Variants in DIP2C observed in about 807,000 individuals in gnomAD.
DIP2C encodes the protein DIP2 acetate--CoA ligase C (putative).
Under a neutral mutation model 192.4 loss-of-function variants are expected in DIP2C, and 33 were observed. That is an observed-to-expected ratio of 0.17 (90% CI 0.13 to 0.23). The LOEUF (loss-of-function observed/expected upper bound fraction) is 0.23. DIP2C is among the 10% of genes least tolerant of loss of function. The pLI, the probability that DIP2C is intolerant of heterozygous loss-of-function variation, is 1.00. For synonymous variants in DIP2C, 979 were observed against 864.1 expected, an observed-to-expected ratio of 1.13 and a Z score of -2.33; for missense variants, 1,537 against 2,110.1, an observed-to-expected ratio of 0.73 and a Z score of 5.32.
chr10:334,900 C>T (rs763262598), intron 29 of DIP2C, among the ~76,000 whole-genome samples: 2 of 152,156 alleles, frequency 1.3e-5, no homozygotes, highest in African/African-American at 2.4e-5. Flanking sequence ...TATTTTAAAA[C>T]TGCTTTCACT....
intron 1 of DIP2C, among the ~76,000 whole-genome samples, chr10:620,286 T>A (rs1326997519): frequency 6.6e-6 from 1 of 152,212 alleles, no homozygotes; most frequent in Non-Finnish European, 1.5e-5. Flanking sequence ...GCTACAACTA[T>A]CAATGTGTAA....
Position 620,956 on chromosome 10 carries a change from G to GTTGTTT in DIP2C, c.85+68532_85+68537dup, listed in dbSNP as rs567097483. On this transcript the variant is annotated intron_variant, in intron 1 of 36. Coordinates refer to ENST00000280886, the MANE Select transcript of DIP2C (RefSeq NM_014974.3). ...GGGGTCATGTGGGAAGATTATTCCA[G>GTTGTTT]TTGTTTTTGTTTTTCCCACTGAAGA... Among the ~76,000 whole-genome samples the GTTGTTT allele has an allele frequency of 2.6e-4, 39 of 152,360 alleles. No homozygotes were observed. In the East Asian group the frequency reaches 4.4e-3, roughly 17 times the overall value.
intron 5 of DIP2C, 118 bp from the exon 6 acceptor site, chr10:419,317 A>ATT (rs1966016214): frequency 6.8e-7 from 1 of 1,462,576 alleles, no homozygotes; most frequent in Non-Finnish European, 9.4e-7. Context: ...TGTGCCATGG[A>ATT]AAGCCAGAGC....
rs190398477 is a variant in DIP2C at position 647,762 on chromosome 10, G to A, written c.85+41732C>T. ...ACTGAGTCCACGTCCACATTGGATG[G>A]TGGGAGAGAACAGAGCAAAACTGAG... is the stretch of plus-strand genomic sequence containing the variant. On this transcript the variant is annotated intron_variant, in intron 1 of 36. Transcript: ENST00000280886. Among the ~76,000 whole-genome samples, 461 of 150,872 alleles carry A rather than the reference G, an allele frequency of 3.1e-3. 3 individuals carry two copies. The highest frequency in any genetic ancestry group is 0.011 in the African/African-American group (439 of 40,950).
chr10:556,804 G>A (rs1169306302), intron 1 of DIP2C, among the ~76,000 whole-genome samples: 1 of 152,168 alleles, frequency 6.6e-6, no homozygotes, highest in Admixed American at 6.5e-5. Flanking sequence ...CTAAACAAGT[G>A]TGTGCCTTGA....
chr10:296,336 A>C (rs1955750477), intron 32 of DIP2C, among the ~76,000 whole-genome samples: 1 of 152,096 alleles, frequency 6.6e-6, no homozygotes, highest in Non-Finnish European at 1.5e-5. Context: ...AACCACAATG[A>C]GATACCATCT....
At chr10:583,304 A>G (rs533189457) in intron 1 of DIP2C, among the ~76,000 whole-genome samples, 2 of 152,382 alleles carry the variant, frequency 1.3e-5, no homozygotes, top group South Asian at 2.1e-4. Context: ...TCTTAGCAGA[A>G]AGAGAATTAT....
chr10:313,558 C>A (rs1223066524), intron 31 of DIP2C, among the ~76,000 whole-genome samples: 2 of 152,158 alleles, frequency 1.3e-5, no homozygotes, highest in South Asian at 2.1e-4. Flanking sequence ...GCATTTACAT[C>A]GTATTCGGCA....
intron 10 of DIP2C, among the ~76,000 whole-genome samples, chr10:398,841 T>C (rs190382857): frequency 2.9e-4 from 44 of 152,190 alleles, no homozygotes; most frequent in Admixed American, 5.2e-4. Flanking sequence ...CTAGTGCACA[T>C]GACACCAAGG....
chr10:344,353 C>T lies in DIP2C; in HGVS notation c.3453+456G>A, dbSNP rs1327948103. 6.0e-5 allele frequency among the ~76,000 whole-genome samples: 8 copies of T among 133,516 alleles called. No homozygotes were observed. In the South Asian group the frequency reaches 7.0e-4, roughly 12 times the overall value. 87.6% of individuals were successfully genotyped at this position (133,516 alleles called of 152,430 possible). ...CGTCAGACCCACAGATGGGGGCAGA[C>T]GGCACACAAGGCTGCGAAGTCCCCA... On this transcript the variant is annotated intron_variant, in intron 28 of 36. Transcript: ENST00000280886.
chr10:451,407 C>G (rs901362247), intron 3 of DIP2C, among the ~76,000 whole-genome samples: 1 of 152,194 alleles, frequency 6.6e-6, no homozygotes, highest in African/African-American at 2.4e-5. Flanking sequence ...ATCATGTGGT[C>G]TCTCGCAGTA....
At chr10:390,915 C>T (rs1963409176) in intron 10 of DIP2C, 52 bp from the exon 11 acceptor site, 1 of 1,599,224 alleles carries the variant, frequency 6.3e-7, no homozygotes, top group African/African-American at 1.3e-5. Context: ...CCCACTCCGC[C>T]CAGCCTTCGG....
intron 1 of DIP2C, among the ~76,000 whole-genome samples, chr10:575,439 T>C (rs1564215858): frequency 2.0e-5 from 3 of 152,198 alleles, no homozygotes; most frequent in Admixed American, 1.3e-4. Context: ...TCAAGTGTGC[T>C]GAGGCCGTCC....
rs1308023211 is a variant in DIP2C, at chr10:382,807, T to C, written c.1877-46A>G. 1.0e-5 allele frequency: 14 copies of C among 1,377,682 alleles called. 1 individual carries two copies. The highest frequency in any genetic ancestry group is 3.6e-4 in the Middle Eastern group (2 of 5,508). 85.3% of individuals were successfully genotyped at this position (1,377,682 alleles called of 1,614,324 possible). On this transcript the variant is annotated intron_variant, in intron 16 of 36. Coordinates refer to ENST00000280886, the MANE Select transcript of DIP2C (RefSeq NM_014974.3). ...TGATCAGACAGCTGAAGCACTGTGATTGATTACAAAATCCCACCATAGAAA... is the reference window on the plus strand; with the variant it reads ...TGATCAGACAGCTGAAGCACTGTGACTGATTACAAAATCCCACCATAGAAA...
At chr10:607,845 G>A (rs1852610397) in intron 1 of DIP2C, among the ~76,000 whole-genome samples, 1 of 151,980 alleles carries the variant, frequency 6.6e-6, no homozygotes, top group Non-Finnish European at 1.5e-5. Flanking sequence ...ACAATCTACA[G>A]GTTCAAACAA....
intron 4 of DIP2C, chr10:430,264 G>A (rs555205343): frequency 1.8e-4 from 27 of 152,096 alleles, no homozygotes; most frequent in Admixed American, 7.2e-4. Flanking sequence ...AAATGTTGCC[G>A]AGTCTGGAGC....
rs191637252 is a variant in DIP2C at position 518,515 on chromosome 10, T to G, written c.86-31985A>C. On this transcript the variant is annotated intron_variant, in intron 1 of 36. Coordinates refer to ENST00000280886, the MANE Select transcript of DIP2C (RefSeq NM_014974.3). The stretch of plus-strand genomic sequence containing the variant: ...TTGGGAGGTGATGAGTTCCCGAAGC[T>G]GGAGCCCCATGAATGGGGTTTGTGC... Among the ~76,000 whole-genome samples, 8 of 152,278 alleles carry G rather than the reference T, an allele frequency of 5.3e-5. No homozygotes were observed. In the East Asian group the frequency reaches 1.4e-3, roughly 26 times the overall value.
At chr10:310,201 TAAAACTA>T in intron 31 of DIP2C, 109 bp from the exon 32 acceptor site, 2 of 1,105,000 alleles carry the variant, frequency 1.8e-6, no homozygotes, top group South Asian at 2.7e-5. Flanking sequence ...AAGTGAAAAA[TAAAACTA>T]AAAACACTTA....
rs573780135 is a variant in DIP2C, at chr10:392,905, C to T, written c.1261-2042G>A. On this transcript the variant is annotated intron_variant, in intron 10 of 36. Coordinates refer to ENST00000280886, the MANE Select transcript of DIP2C (RefSeq NM_014974.3). Reference sequence around the variant, plus strand: ...ACACACACGTGCCCACACACAGGCGCGCACACACACTCAACAAAGAAAGGG... The same window carrying T: ...ACACACACGTGCCCACACACAGGCGTGCACACACACTCAACAAAGAAAGGG... 2.1e-3 allele frequency among the ~76,000 whole-genome samples: 316 copies of T among 152,270 alleles called. 1 individual carries two copies. The highest frequency in any genetic ancestry group is 0.014 in the Middle Eastern group (4 of 294).
Sources: gnomAD v4.1 joint callset for allele counts (sites outside exome capture counted in the v4.1 genomes callset) on GRCh38, gnomAD v4.1.1 for gene constraint, MANE v1.5 for transcripts, NCBI Gene and HGNC (gene_info 2026-07-23, HGNC 2026-07-21) for gene names.